ATP6V1H: variants seen among roughly 807,000 people sequenced by gnomAD.
ATP6V1H encodes the protein ATPase H+ transporting V1 subunit H, also known as V-type proton ATPase subunit H.
In ATP6V1H, 39 loss-of-function variants were observed where a neutral mutation model predicts 71.7. The observed-to-expected ratio is 0.54, with a 90% confidence interval of 0.42 to 0.71. The LOEUF (loss-of-function observed/expected upper bound fraction) is 0.71. ATP6V1H is among the 30% of genes least tolerant of loss of function. ATP6V1H has a pLI of 0.00. For missense variants in ATP6V1H, 509 were observed against 594.9 expected, an observed-to-expected ratio of 0.86 and a Z score of 1.50; for synonymous variants, 192 against 199.3, an observed-to-expected ratio of 0.96 and a Z score of 0.31.
At chr8:53,839,026 C>T (rs894313907) in intron 2 of ATP6V1H, among the ~76,000 whole-genome samples, 6 of 152,040 alleles carry the variant, frequency 3.9e-5, no homozygotes, top group Admixed American at 1.3e-4. Flanking sequence ...CACAGGCCTA[C>T]GGAGTGGAGG....
At chr8:53,743,427 C>T in intron 13 of ATP6V1H, 150 bp downstream of exon 13, 2 of 588,496 alleles carry the variant, frequency 3.4e-6, no homozygotes, top group African/African-American at 1.9e-5. Flanking sequence ...TGTGTCATTG[C>T]TCTGAATTAC....
chr8:53,815,393 A>G (rs1353505197), intron 5 of ATP6V1H, among the ~76,000 whole-genome samples: 6 of 152,218 alleles, frequency 3.9e-5, no homozygotes, highest in Non-Finnish European at 8.8e-5. Flanking sequence ...CAGTACTGAG[A>G]GCAAATCACT....
intron 13 of ATP6V1H, 50 bp from the exon 14 acceptor site, chr8:53,716,074 A>T: frequency 6.8e-7 from 1 of 1,473,170 alleles, no homozygotes; most frequent in Non-Finnish European, 9.4e-7. Flanking sequence ...ATAGCAAAGA[A>T]TCACTTCCAA....
intron 9 of ATP6V1H, among the ~76,000 whole-genome samples, chr8:53,789,371 T>C (rs1563467857): frequency 6.6e-6 from 1 of 152,166 alleles, no homozygotes; most frequent in Non-Finnish European, 1.5e-5. Context: ...TCTCAGCCCA[T>C]TATTAAAAAT....
intron 9 of ATP6V1H, among the ~76,000 whole-genome samples, chr8:53,788,430 TCAAA>T (rs1809451045): frequency 6.6e-6 from 1 of 152,158 alleles, no homozygotes; most frequent in Admixed American, 6.5e-5. Context: ...CTCTTTTAAA[TCAAA>T]CAAAACAGCA....
At chr8:53,837,447 T>C (rs1811193695) in intron 2 of ATP6V1H, among the ~76,000 whole-genome samples, 1 of 151,570 alleles carries the variant, frequency 6.6e-6, no homozygotes, top group African/African-American at 2.4e-5. Flanking sequence ...ACAAATAATC[T>C]TGAAAACACA....
At chr8:53,833,516 C>T (rs190328750) in intron 2 of ATP6V1H, among the ~76,000 whole-genome samples, 3 of 151,678 alleles carry the variant, frequency 2.0e-5, no homozygotes, top group East Asian at 1.9e-4. Flanking sequence ...TGAATTTCTA[C>T]GACCATTTTT....
chr8:53,753,668 T>C (rs1407781814), intron 12 of ATP6V1H, among the ~76,000 whole-genome samples: 1 of 152,256 alleles, frequency 6.6e-6, no homozygotes, highest in African/African-American at 2.4e-5. Flanking sequence ...ATATACCATC[T>C]ATCCATCTGT....
At chr8:53,781,602 T>A (rs1809137834) in intron 9 of ATP6V1H, among the ~76,000 whole-genome samples, 1 of 152,228 alleles carries the variant, frequency 6.6e-6, no homozygotes, top group South Asian at 2.1e-4. Flanking sequence ...GTTTTAGACA[T>A]GAAGTCCTTG....
intron 4 of ATP6V1H, among the ~76,000 whole-genome samples, chr8:53,826,258 A>G (rs1810819729): frequency 6.6e-6 from 1 of 152,228 alleles, no homozygotes; most frequent in South Asian, 2.1e-4. Flanking sequence ...AAAAAACTAC[A>G]TATGGAGTTA....
chr8:53,752,197 T>A (rs1412670834), intron 12 of ATP6V1H, among the ~76,000 whole-genome samples: 1 of 152,188 alleles, frequency 6.6e-6, no homozygotes, highest in Non-Finnish European at 1.5e-5. Context: ...GGAAAAAAAA[T>A]TAATGAGGGC....
intron 13 of ATP6V1H, among the ~76,000 whole-genome samples, chr8:53,728,209 G>C (rs1277361054): frequency 6.6e-6 from 1 of 152,084 alleles, no homozygotes; most frequent in Non-Finnish European, 1.5e-5. Flanking sequence ...GACAAGGAAG[G>C]TTCCCCTACC....
At chr8:53,824,441 AT>A in intron 4 of ATP6V1H, among the ~76,000 whole-genome samples, 1 of 152,316 alleles carries the variant, frequency 6.6e-6, no homozygotes, top group East Asian at 1.9e-4. Context: ...TTGTAAACCA[AT>A]TACACATATG....
chr8:53,825,451 C>A (rs1273210406), intron 4 of ATP6V1H, among the ~76,000 whole-genome samples: 3 of 150,224 alleles, frequency 2.0e-5, no homozygotes, highest in East Asian at 1.9e-4. Flanking sequence ...ACAAAAAAAA[C>A]AACATTCAAG....
chr8:53,728,613 C>G (rs765850777), intron 13 of ATP6V1H, among the ~76,000 whole-genome samples: 7 of 152,118 alleles, frequency 4.6e-5, no homozygotes, highest in Admixed American at 6.5e-5. Flanking sequence ...CCTGCTTTGT[C>G]CCTTCTGGCA....
At chr8:53,836,530 T>C (rs1811164584) in intron 2 of ATP6V1H, among the ~76,000 whole-genome samples, 1 of 152,160 alleles carries the variant, frequency 6.6e-6, no homozygotes, top group African/African-American at 2.4e-5. Context: ...GCCCCAGACC[T>C]AACAATCTTC....
chr8:53,821,327 C>T (rs915060252), intron 4 of ATP6V1H, among the ~76,000 whole-genome samples: 3 of 145,686 alleles, frequency 2.1e-5, no homozygotes, highest in African/African-American at 7.7e-5. Flanking sequence ...GGGCAGAGAT[C>T]ATGCCACTAC....
At chr8:53,761,169 T>A (rs527540068) in intron 11 of ATP6V1H, among the ~76,000 whole-genome samples, 1 of 151,938 alleles carries the variant, frequency 6.6e-6, no homozygotes, top group African/African-American at 2.4e-5. Flanking sequence ...ACCCTGTCTC[T>A]ACTAAAAAAT....
chr8:53,758,793 A>G (rs1036334253), intron 11 of ATP6V1H, among the ~76,000 whole-genome samples: 1 of 152,236 alleles, frequency 6.6e-6, no homozygotes, highest in African/African-American at 2.4e-5. Context: ...GTTTTTGTAA[A>G]TGTTTTACTG....
Sources: allele counts gnomAD v4.1 joint callset (sites outside exome capture counted in the v4.1 genomes callset), GRCh38; gene constraint gnomAD v4.1.1; transcripts MANE v1.5; gene names NCBI Gene and HGNC (gene_info 2026-07-23, HGNC 2026-07-21).